Variants in TECPR2 observed in about 807,000 individuals in gnomAD.
TECPR2 encodes the protein tectonin beta-propeller repeat-containing protein 2.
Under a neutral mutation model 138.1 loss-of-function variants are expected in TECPR2, and 65 were observed. The ratio of observed to expected loss-of-function variants is 0.47; its 90% CI spans 0.39 to 0.58. TECPR2 has a LOEUF of 0.58. Ranked by LOEUF, TECPR2 falls within the 20% of genes least tolerant of loss-of-function variation. The probability of loss-of-function intolerance (pLI) is 0.00; values close to 1 mark genes in which losing one functional copy is unlikely to be tolerated. For missense variants in TECPR2, 1,553 were observed against 1,824.5 expected, an observed-to-expected ratio of 0.85 and a Z score of 2.71; for synonymous variants, 746 against 749.8, an observed-to-expected ratio of 0.99 and a Z score of 0.08.
chr14:102,426,124 G>T (rs1336146864), intron 6 of TECPR2, among the ~76,000 whole-genome samples: 1 of 151,986 alleles, frequency 6.6e-6, no homozygotes, highest in Non-Finnish European at 1.5e-5. Flanking sequence ...TGACTCAGGT[G>T]ATCCGCCAGC....
chr14:102,498,208 C>T lies in TECPR2; in HGVS notation c.4187C>T (p.Ala1396Val), dbSNP rs1891344030. 1.2e-6 allele frequency: 2 copies of T among 1,607,970 alleles called. No homozygotes were observed. The highest frequency in any genetic ancestry group is 1.7e-6 in the Non-Finnish European group (2 of 1,179,996). The change falls in exon 20 of 20, where the codon GCC becomes GTC. Residue 1396 changes from alanine (A) to valine (V), a missense_variant. Physicochemically the swap from Ala to Val is moderately conservative, Grantham distance 64 (BLOSUM62 0). Transcript: ENST00000359520. ...CACGGCACCCAGAAGAGCAGCCAGGCCGCCATGCCCCACCCTGAGGACCTG... is the reference window on the plus strand; with the variant it reads ...CACGGCACCCAGAAGAGCAGCCAGGTCGCCATGCCCCACCCTGAGGACCTG... ...HSHGTQKSSQ[A>V]AMPHPEDLED...
rs956218794 is a variant in TECPR2 at position 102,420,325 on chromosome 14, G to T, written c.639-4654G>T. Among the ~76,000 whole-genome samples the T allele has an allele frequency of 1.3e-5, 2 of 152,218 alleles. No individual in the cohort carries two copies. The highest frequency in any genetic ancestry group is 1.3e-4 in the Admixed American group (2 of 15,280). ...AGACCTTAAAAGTTGGAGCTTCAGT[G>T]TCAAATTCAGAAAGCACCAGCAAGT... is the stretch of plus-strand genomic sequence containing the variant. On this transcript the variant is annotated intron_variant, in intron 5 of 19. Coordinates refer to ENST00000359520, the MANE Select transcript of TECPR2 (RefSeq NM_014844.5). The surrounding 1 kb of genome is among the most constrained non-coding windows in gnomAD (Gnocchi z 4.1).
Position 102,489,980 on chromosome 14 carries a change from A to G in TECPR2, c.3790-6999A>G, listed in dbSNP as rs145940841. The stretch of plus-strand genomic sequence containing the variant: ...TGGAGGCACTTACATCAGTGCCTCC[A>G]CTAAAAATAAAGCAAAAACAAGCAA... On this transcript the variant is annotated intron_variant, in intron 17 of 19. Transcript: ENST00000359520. Among the ~76,000 whole-genome samples, 254 of 152,224 alleles carry G rather than the reference A, an allele frequency of 1.7e-3. 2 individuals carry two copies. Among genetic ancestry groups the G allele is most frequent in the African/African-American group, 5.6e-3 (232 of 41,532 alleles).
intron 2 of TECPR2, among the ~76,000 whole-genome samples, chr14:102,381,041 A>G (rs1887799232): frequency 6.7e-6 from 1 of 149,632 alleles, no homozygotes; most frequent in Non-Finnish European, 1.5e-5. Flanking sequence ...AGTGACTGCA[A>G]CCTCCACCTC....
chr14:102,457,017 T>G (rs1035382076), intron 16 of TECPR2, among the ~76,000 whole-genome samples: 1 of 152,042 alleles, frequency 6.6e-6, no homozygotes, highest in Admixed American at 6.6e-5. Flanking sequence ...GGGCACCAGG[T>G]GTTCAGTTAT....
intron 15 of TECPR2, among the ~76,000 whole-genome samples, chr14:102,451,307 G>A (rs1335512168): frequency 1.3e-5 from 2 of 152,196 alleles, no homozygotes; most frequent in Non-Finnish European, 2.9e-5. Context: ...ATTGCCTGAG[G>A]ATGAAATGCA....
At chr14:102,421,568 T>C (rs1167825127) in intron 5 of TECPR2, among the ~76,000 whole-genome samples, 2 of 152,130 alleles carry the variant, frequency 1.3e-5, no homozygotes, top group Admixed American at 1.3e-4. Flanking sequence ...TGTGCTGCTG[T>C]GTGCAGGGAG....
intron 6 of TECPR2, among the ~76,000 whole-genome samples, chr14:102,425,883 G>GTTT (rs71470206): frequency 8.8e-6 from 1 of 113,658 alleles, no homozygotes; most frequent in Non-Finnish European, 1.8e-5. Context: ...TTTTTTTTTT[G>GTTT]TTTTTTTTTT....
chr14:102,467,507 GA>G (rs1890571384), intron 17 of TECPR2, among the ~76,000 whole-genome samples: 1 of 151,656 alleles, frequency 6.6e-6, no homozygotes, highest in Admixed American at 6.6e-5. Context: ...GTATTTTTAG[GA>G]GAGACGGGGT....
rs1888992050 is a variant in TECPR2, at chr14:102,415,198, A to C, written c.638+405A>C. On this transcript the variant is annotated intron_variant, in intron 5 of 19. Coordinates refer to ENST00000359520, the MANE Select transcript of TECPR2 (RefSeq NM_014844.5). The surrounding 1 kb of genome is among the most constrained non-coding windows in gnomAD (Gnocchi z 4.3). ...ACCATGCACCCCTGTGCACTGTGGC[A>C]GGCTCAGCAGTGACATGGTAAACAC... 6.6e-6 allele frequency among the ~76,000 whole-genome samples: 1 copy of C among 152,228 alleles called. No homozygotes were observed.
In TECPR2 at chr14:102,449,572, G is replaced by A. The variant is rs548198263; in HGVS notation, c.3076-57G>A. 153 of 1,601,210 alleles carry A rather than the reference G, an allele frequency of 9.6e-5. 2 individuals carry two copies. The highest frequency in any genetic ancestry group is 2.1e-5 in the Non-Finnish European group (25 of 1,171,600). ...AGCTAGAACCTTCCCTCAAGGCAGAGAGTCTACACTTGTAACTGCTCTGAC... is the reference window on the plus strand; with the variant it reads ...AGCTAGAACCTTCCCTCAAGGCAGAAAGTCTACACTTGTAACTGCTCTGAC... On this transcript the variant is annotated intron_variant, in intron 13 of 19. Coordinates refer to ENST00000359520, the MANE Select transcript of TECPR2 (RefSeq NM_014844.5).
chr14:102,415,950 C>T lies in TECPR2; in HGVS notation c.638+1157C>T, dbSNP rs865878591. On this transcript the variant is annotated intron_variant, in intron 5 of 19. Coordinates refer to ENST00000359520, the MANE Select transcript of TECPR2 (RefSeq NM_014844.5). This position sits in a 1 kb window ranked among gnomAD's most constrained non-coding sequence, Gnocchi z 4.3. ...GGCCGTCCTGGAGAGTCGGGTGAGG[C>T]GGAGCCAGCCCCTGTGGTCGTAGTC... Among the ~76,000 whole-genome samples the T allele has an allele frequency of 7.2e-5, 11 of 152,042 alleles. No individual in the cohort carries two copies. Among genetic ancestry groups the T allele is most frequent in the South Asian group, 2.1e-4 (1 of 4,826 alleles).
chr14:102,408,200 A>G (rs1248087639), intron 3 of TECPR2, among the ~76,000 whole-genome samples: 1 of 152,026 alleles, frequency 6.6e-6, no homozygotes, highest in Non-Finnish European at 1.5e-5. Context: ...GAGAAGCTTA[A>G]CACTGTGCTG....
At chr14:102,494,101 C>T (rs890395824) in intron 17 of TECPR2, among the ~76,000 whole-genome samples, 2 of 152,222 alleles carry the variant, frequency 1.3e-5, no homozygotes, top group Non-Finnish European at 2.9e-5. Context: ...TACCTGAGAG[C>T]CCCATCCAGC....
chr14:102,455,883 G>GA (rs1890266558), intron 16 of TECPR2, among the ~76,000 whole-genome samples: 1 of 152,218 alleles, frequency 6.6e-6, no homozygotes, highest in Non-Finnish European at 1.5e-5. Context: ...AAAGTGCTGG[G>GA]ATTACAGGCG....
intron 17 of TECPR2, among the ~76,000 whole-genome samples, chr14:102,472,925 T>G (rs963978832): frequency 6.6e-6 from 1 of 152,256 alleles, no homozygotes; most frequent in Non-Finnish European, 1.5e-5. Context: ...GACGATTGTT[T>G]GCTGAGATCA....
intron 4 of TECPR2, among the ~76,000 whole-genome samples, chr14:102,410,131 T>C (rs1025565822): frequency 6.6e-5 from 10 of 152,212 alleles, no homozygotes; most frequent in African/African-American, 2.4e-4. Context: ...TATTTTACTT[T>C]GAAATAATAA....
rs1355978158 is a variant in TECPR2 at position 102,497,662 on chromosome 14, A to G, written c.4024A>G (p.Lys1342Glu). Residue 1342 changes from lysine to glutamate, a missense_variant, in exon 19 of 20, where the codon AAG becomes GAG. Physicochemically the swap from Lys to Glu is moderately conservative, Grantham distance 56. Coordinates refer to ENST00000359520, the MANE Select transcript of TECPR2 (RefSeq NM_014844.5). Reference protein sequence around the residue: ...DLARRYGVTDKNPAGDYWKKI... With the variant: ...DLARRYGVTDENPAGDYWKKI... ...CGCCCGGCGGTACGGCGTCACAGAC[A>G]AGAACCCCGCCGGGGACTACTGGAA... 1.9e-6 allele frequency: 3 copies of G among 1,608,756 alleles called. No homozygotes were observed. The highest frequency in any genetic ancestry group is 1.7e-5 in the Admixed American group (1 of 59,564).
At chr14:102,422,420 T>C (rs1889208985) in intron 5 of TECPR2, among the ~76,000 whole-genome samples, 2 of 152,208 alleles carry the variant, frequency 1.3e-5, no homozygotes, top group South Asian at 4.1e-4. Context: ...GTCATTTCGC[T>C]TACAGTTGTA....
Sources: gnomAD v4.1 joint callset for allele counts (sites outside exome capture counted in the v4.1 genomes callset) on GRCh38, gnomAD v4.1.1 for gene constraint, Gnocchi (gnomAD v3.1) non-coding constraint, MANE v1.5 for transcripts, NCBI Gene and HGNC (gene_info 2026-07-23, HGNC 2026-07-21) for gene names.